The following SHROOM4 variants were observed in gnomAD, a reference collection of about 807,000 sequenced individuals.
The protein encoded by SHROOM4 is protein Shroom4.
Under a neutral mutation model 80.3 loss-of-function variants are expected in SHROOM4, and 17 were observed. That is an observed-to-expected ratio of 0.21 (90% confidence interval 0.14 to 0.32). The LOEUF (loss-of-function observed/expected upper bound fraction) is 0.32, where lower values mean the gene tolerates loss of function less well. Ranked by LOEUF, SHROOM4 falls within the 10% of genes least tolerant of loss-of-function variation. SHROOM4 has a pLI of 1.00. For synonymous variants in SHROOM4, 400 were observed against 437.5 expected, an observed-to-expected ratio of 0.91 and a Z score of 1.07; for missense variants, 993 against 1,140.3, an observed-to-expected ratio of 0.87 and a Z score of 1.86.
At position 50,592,294 on chromosome X, in the gene SHROOM4, T is replaced by A; in HGVS notation, c.*4401A>T. 1 of 294,541 alleles carries A rather than the reference T, an allele frequency of 3.4e-6. No individual in the cohort carries two copies. The highest frequency in any genetic ancestry group is 3.4e-5 in the Admixed American group (1 of 29,375). 24.3% of individuals were successfully genotyped at this position (294,541 alleles called of 1,213,427 possible). ...TAGTTAAAATTCAGACTGCTATCAC[T>A]GGGTTTGGGGTGGGCCTGGGATTCT... On this transcript the variant is annotated 3_prime_UTR_variant, in exon 9 of 9. Coordinates refer to ENST00000376020, the MANE Select transcript of SHROOM4 (RefSeq NM_020717.5).
rs782628229 is a variant in SHROOM4, at chrX:50,679,707, AT to A, written c.269+16078del. On this transcript the variant is annotated intron_variant, in intron 2 of 8. Transcript: ENST00000376020. ...TTTCTTCATGTTAAGAATATTCCAA[AT>A]CTTCTCTTAAAGCTATTTTGAAATA... Among the ~76,000 whole-genome samples, 15 of 111,919 alleles carry A rather than the reference AT, an allele frequency of 1.3e-4. No homozygotes were observed. In the South Asian group the frequency reaches 4.1e-3, roughly 31 times the overall value.
At chrX:50,791,408 A>G (rs1935848240) in intron 1 of SHROOM4, among the ~76,000 whole-genome samples, 1 of 108,445 alleles carries the variant, frequency 9.2e-6, no homozygotes, top group Non-Finnish European at 1.9e-5. Flanking sequence ...ATCCCTATCA[A>G]AATCTTAATG....
At chrX:50,704,803 C>T (rs1557263820) in intron 1 of SHROOM4, among the ~76,000 whole-genome samples, 1 of 110,794 alleles carries the variant, frequency 9.0e-6, no homozygotes. Flanking sequence ...TTCTATTTCC[C>T]GGAGGTGGGC....
At chrX:50,659,581 G>A (rs1932425700) in intron 2 of SHROOM4, among the ~76,000 whole-genome samples, 1 of 112,028 alleles carries the variant, frequency 8.9e-6, no homozygotes, top group African/African-American at 3.2e-5. Context: ...ACTTGTAGAA[G>A]GAAAACCATT....
chrX:50,618,272 CTCTTCCCCTTCCT>C (rs1930341855), intron 5 of SHROOM4, among the ~76,000 whole-genome samples: 1 of 102,547 alleles, frequency 9.8e-6, no homozygotes, highest in Non-Finnish European at 2.0e-5. Context: ...TTCTTCTCTT[CTCTTCCCCTTCCT>C]TCCTTCCTTC....
intron 2 of SHROOM4, among the ~76,000 whole-genome samples, chrX:50,679,130 C>T (rs781921927): frequency 9.0e-6 from 1 of 111,426 alleles, no homozygotes; most frequent in South Asian, 3.8e-4. Context: ...TCTCCCACGT[C>T]TCCTCCTACA....
At chrX:50,714,561 A>T (rs782286861) in intron 1 of SHROOM4, among the ~76,000 whole-genome samples, 1 of 112,302 alleles carries the variant, frequency 8.9e-6, no homozygotes, top group Admixed American at 9.5e-5. Flanking sequence ...AATATTATGT[A>T]TCAATAAAAG....
intron 2 of SHROOM4, among the ~76,000 whole-genome samples, chrX:50,652,290 T>C (rs1178432528): frequency 8.9e-6 from 1 of 112,375 alleles, no homozygotes; most frequent in Non-Finnish European, 1.9e-5. Flanking sequence ...TGGAGTGAGA[T>C]GGTATCTCAT....
At chrX:50,632,979 T>C (rs781876578) in intron 4 of SHROOM4, among the ~76,000 whole-genome samples, 199 bp downstream of exon 4, 18 of 112,543 alleles carry the variant, frequency 1.6e-4, no homozygotes, top group Non-Finnish European at 2.8e-4. Context: ...CAAAAGTTAC[T>C]TTTATCTAAC....
At position 50,635,431 on chromosome X, in the gene SHROOM4, T is replaced by C; in HGVS notation, c.642A>G (p.Thr214=). 1 of 1,206,908 alleles carries C rather than the reference T, an allele frequency of 8.3e-7. No individual in the cohort carries two copies. Among genetic ancestry groups the C allele is most frequent in the Non-Finnish European group, 1.1e-6 (1 of 892,912 alleles). ...GCCCTGGGCCTTGCATGATGCAGTC[T>C]GTAGAGGCTGGCTCCTCTGGCCTGA... ...LSLRPEEPAS[T]DCIMQGPGPT... The change falls in exon 4 of 9, where the codon ACA becomes ACG. Residue 214 remains threonine (T), a synonymous_variant. Coordinates refer to ENST00000376020, the MANE Select transcript of SHROOM4 (RefSeq NM_020717.5).
Position 50,633,762 on chromosome X carries a change from C to A in SHROOM4, c.2311G>T (p.Ala771Ser). Residue 771 changes from alanine (A) to serine (S), a missense_variant, in exon 4 of 9, where the codon GCA becomes TCA. Ala to Ser is a moderately conservative substitution (Grantham distance 99, BLOSUM62 1). Coordinates refer to ENST00000376020, the MANE Select transcript of SHROOM4 (RefSeq NM_020717.5). ...AGEDAILLPFADRRKFFEESS... is the reference protein window; with the variant it reads ...AGEDAILLPFSDRRKFFEESS... The stretch of plus-strand genomic sequence containing the variant: ...TCTTCAAAGAACTTTCTTCTGTCTG[C>A]AAAAGGCAAGAGGATGGCATCCTCC... 1.6e-6 allele frequency: 2 copies of A among 1,212,208 alleles called. No individual in the cohort carries two copies. The highest frequency in any genetic ancestry group is 2.2e-6 in the Non-Finnish European group (2 of 895,613).
At chrX:50,722,646 A>AT (rs782288015) in intron 1 of SHROOM4, among the ~76,000 whole-genome samples, 1 of 105,516 alleles carries the variant, frequency 9.5e-6, no homozygotes, top group Non-Finnish European at 2.0e-5. Flanking sequence ...CCTTCCTTTC[A>AT]TCTCTCTCTC....
chrX:50,812,181 G>A (rs1557273511), intron 1 of SHROOM4, among the ~76,000 whole-genome samples: 1 of 108,627 alleles, frequency 9.2e-6, no homozygotes, highest in Non-Finnish European at 1.9e-5. Flanking sequence ...AAAAAGAAAG[G>A]GAGGAACTGC....
chrX:50,804,905 C>A (rs989558075), intron 1 of SHROOM4, among the ~76,000 whole-genome samples: 1 of 110,475 alleles, frequency 9.1e-6, no homozygotes, highest in Admixed American at 9.8e-5. Flanking sequence ...CTTGATCCTT[C>A]CTGATCGCCA....
chrX:50,645,268 G>A (rs1557257746), intron 2 of SHROOM4, among the ~76,000 whole-genome samples: 1 of 112,062 alleles, frequency 8.9e-6, no homozygotes, highest in Non-Finnish European at 1.9e-5. Flanking sequence ...TCCAAAAAAT[G>A]CATCAGGTTA....
At chrX:50,752,074 T>C (rs1934933539) in intron 1 of SHROOM4, among the ~76,000 whole-genome samples, 1 of 112,080 alleles carries the variant, frequency 8.9e-6, no homozygotes, top group African/African-American at 3.2e-5. Flanking sequence ...CACCAAATCT[T>C]GACTAAACAC....
chrX:50,604,071 T>C (rs1929563288), intron 6 of SHROOM4, among the ~76,000 whole-genome samples: 1 of 111,882 alleles, frequency 8.9e-6, no homozygotes, highest in African/African-American at 3.2e-5. Context: ...GTTAAAAGGC[T>C]CCACAGCTAT....
intron 1 of SHROOM4, among the ~76,000 whole-genome samples, chrX:50,811,855 T>A (rs1557273482): frequency 2.7e-5 from 3 of 110,823 alleles, no homozygotes; most frequent in African/African-American, 9.9e-5. Context: ...CAACTGTACA[T>A]TCAGTGGAAA....
At chrX:50,661,988 C>A (rs1932527708) in intron 2 of SHROOM4, among the ~76,000 whole-genome samples, 1 of 110,398 alleles carries the variant, frequency 9.1e-6, no homozygotes, top group Admixed American at 9.7e-5. Flanking sequence ...ATTCAGTCCC[C>A]ACACCCGCAG....
Sources: gnomAD v4.1 joint callset for allele counts (sites outside exome capture counted in the v4.1 genomes callset) on GRCh38, gnomAD v4.1.1 for gene constraint, MANE v1.5 for transcripts, NCBI Gene and HGNC (gene_info 2026-07-23, HGNC 2026-07-21) for gene names.